Variants in ANKAR observed in about 807,000 individuals in gnomAD.
ANKAR encodes the protein ankyrin and armadillo repeat containing, also known as ankyrin and armadillo repeat-containing protein.
Under a neutral mutation model 146.2 loss-of-function variants are expected in ANKAR, and 136 were observed. The ratio of observed to expected loss-of-function variants is 0.93; its 90% confidence interval spans 0.81 to 1.07. The LOEUF (loss-of-function observed/expected upper bound fraction) is 1.07. Among genes scored for constraint, ANKAR ranks in the 50% least tolerant of loss-of-function variants. The pLI, the probability that ANKAR is intolerant of heterozygous loss-of-function variation, is 0.00. For synonymous variants in ANKAR, 500 were observed against 575.8 expected, an observed-to-expected ratio of 0.87 and a Z score of 1.88; for missense variants, 1,567 against 1,679.9, an observed-to-expected ratio of 0.93 and a Z score of 1.18.
At chr2:189,735,863 G>A (rs1246092505) in intron 17 of ANKAR, among the ~76,000 whole-genome samples, 1 of 152,000 alleles carries the variant, frequency 6.6e-6, no homozygotes, top group African/African-American at 2.4e-5. Flanking sequence ...TCAAATATGT[G>A]GGCTAATTAA....
In ANKAR at chr2:189,719,689, A is replaced by G; in HGVS notation, c.2342A>G (p.Glu781Gly). The G allele has an allele frequency of 6.2e-7, 1 of 1,614,216 alleles. No individual in the cohort carries two copies. The highest frequency in any genetic ancestry group is 1.7e-4 in the Middle Eastern group (1 of 6,060). The change falls in exon 11 of 23, where the codon GAA (glutamate) becomes GGA (glycine). Residue 781 changes from glutamate (E) to glycine (G), a missense_variant. By Grantham distance (98) the Glu-to-Gly change is moderately conservative. Transcript: ENST00000684021. The stretch of plus-strand genomic sequence containing the variant: ...AAAAGTGCAGTGCATGCTTTGGTAG[A>G]AGCGGGAGGCATTCCATCTCTAATC... The part of the protein sequence containing the change: ...THKSAVHALV[E>G]AGGIPSLINL...
At chr2:189,693,889 C>T (rs961740423) in intron 5 of ANKAR, among the ~76,000 whole-genome samples, 1 of 152,030 alleles carries the variant, frequency 6.6e-6, no homozygotes, top group Non-Finnish European at 1.5e-5. Flanking sequence ...GCTAGGATTA[C>T]AGGCATGCGC....
At chr2:189,721,403 T>C (rs962050274) in intron 12 of ANKAR, among the ~76,000 whole-genome samples, 1 of 152,212 alleles carries the variant, frequency 6.6e-6, no homozygotes, top group Non-Finnish European at 1.5e-5. Flanking sequence ...TGGATGATTT[T>C]AAAAATACAT....
intron 9 of ANKAR, among the ~76,000 whole-genome samples, chr2:189,710,311 C>T (rs1264481232): frequency 3.9e-5 from 6 of 152,062 alleles, no homozygotes; most frequent in Admixed American, 2.0e-4. Context: ...TTTTTATACT[C>T]GGGAAATGTA....
rs1288509791 is a variant in ANKAR, at chr2:189,696,180, G to T, written c.1519G>T (p.Glu507Ter). ...SIPFGMKSAV[E>*]RGLSAVFHTF... ...TCCATTTGGTATGAAGTCCGCTGTT[G>T]AAAGAGGGTTGTCTGCAGTTTTCCA... The change falls in exon 7 of 23, where the codon GAA (glutamate) becomes TAA (stop). Residue 507 changes from glutamate (E) to a stop codon, truncating the protein, a stop_gained. Coordinates refer to ENST00000684021, the MANE Select transcript of ANKAR (RefSeq NM_001378068.1). LOFTEE classifies it high-confidence loss of function. The T allele has an allele frequency of 6.2e-7, 1 of 1,613,996 alleles. No homozygotes were observed.
intron 7 of ANKAR, among the ~76,000 whole-genome samples, chr2:189,701,639 G>GT (rs1264919823): frequency 6.6e-6 from 1 of 152,118 alleles, no homozygotes; most frequent in African/African-American, 2.4e-5. Flanking sequence ...CTTTTACAGT[G>GT]TTTTTTATCT....
intron 7 of ANKAR, among the ~76,000 whole-genome samples, chr2:189,700,894 A>C (rs754826213): frequency 6.6e-6 from 1 of 152,192 alleles, no homozygotes; most frequent in African/African-American, 2.4e-5. Context: ...ATACTACTCC[A>C]TTGTGTATCC....
intron 4 of ANKAR, 179 bp downstream of exon 4, chr2:189,692,597 A>G: frequency 1.8e-6 from 1 of 546,566 alleles, no homozygotes; most frequent in East Asian, 3.4e-5. Flanking sequence ...AGATATATGT[A>G]AGGTACTGTG....
chr2:189,745,030 A>ACTACTAC (rs1380926394), intron 22 of ANKAR, among the ~76,000 whole-genome samples: 1,236 of 65,126 alleles, frequency 0.019, 25 homozygotes, highest in Admixed American at 0.047. Flanking sequence ...ACTACTACTA[A>ACTACTAC]TAATACAAAA....
At chr2:189,729,459 AT>A (rs1335883269) in intron 15 of ANKAR, among the ~76,000 whole-genome samples, 1 of 152,200 alleles carries the variant, frequency 6.6e-6, no homozygotes, top group South Asian at 2.1e-4. Context: ...TGATTCTCAC[AT>A]TTTTTTCTCT....
chr2:189,706,694 A>G (rs1056021778), intron 8 of ANKAR, among the ~76,000 whole-genome samples: 1 of 152,214 alleles, frequency 6.6e-6, no homozygotes, highest in African/African-American at 2.4e-5. Context: ...TTTGTGCGTT[A>G]TCATCCTCCA....
intron 12 of ANKAR, among the ~76,000 whole-genome samples, chr2:189,726,967 T>A (rs938641130): frequency 4.6e-5 from 7 of 152,138 alleles, no homozygotes; most frequent in Non-Finnish European, 8.8e-5. Context: ...TTCTTACAAC[T>A]TTTCTATAAG....
intron 3 of ANKAR, 105 bp downstream of exon 3, chr2:189,690,069 A>G (rs2036162517): frequency 1.4e-6 from 1 of 712,504 alleles, no homozygotes; most frequent in East Asian, 3.2e-5. Flanking sequence ...TAACCTAGCT[A>G]TAACCTGTTA....
At chr2:189,761,562 T>G (rs116007546), downstream of ANKAR, 1,473 of 1,610,434 alleles carry the variant, frequency 9.1e-4, 13 homozygotes, top group African/African-American at 0.018. Flanking sequence ...GGATGAAAAT[T>G]AAAACTTCTT....
chr2:189,691,119 G>C lies in ANKAR; in HGVS notation c.1040-1136G>C, dbSNP rs185473807. 1.8e-3 allele frequency among the ~76,000 whole-genome samples: 267 copies of C among 152,246 alleles called. 1 individual carries two copies. The highest frequency in any genetic ancestry group is 6.1e-3 in the African/African-American group (255 of 41,536). ...CACACAGGCTGGAGTGCAGTGGCAC[G>C]ATCTCGACTCACTGCAACCTCCACC... On this transcript the variant is annotated intron_variant, in intron 3 of 22. Transcript: ENST00000684021.
intron 6 of ANKAR, among the ~76,000 whole-genome samples, chr2:189,695,565 T>C (rs1386073539): frequency 2.0e-5 from 3 of 152,218 alleles, no homozygotes; most frequent in African/African-American, 7.2e-5. Context: ...TCCTGGGAAC[T>C]AAAACCTAAA....
At chr2:189,698,386 T>TA (rs78380602) in intron 7 of ANKAR, among the ~76,000 whole-genome samples, 141 of 145,296 alleles carry the variant, frequency 9.7e-4, no homozygotes, top group Non-Finnish European at 1.0e-3. Context: ...TTCTACAACT[T>TA]AAAAAAAAAA....
intron 5 of ANKAR, among the ~76,000 whole-genome samples, chr2:189,694,398 G>C (rs532773251): frequency 6.6e-6 from 1 of 152,088 alleles, no homozygotes; most frequent in Non-Finnish European, 1.5e-5. Context: ...GAGGAAGGTC[G>C]CCGTTTTCCC....
chr2:189,677,019 G>T lies in ANKAR; in HGVS notation c.529G>T (p.Ala177Ser), dbSNP rs754833067. The T allele has an allele frequency of 6.2e-7, 1 of 1,612,106 alleles. No homozygotes were observed. The highest frequency in any genetic ancestry group is 1.7e-5 in the Admixed American group (1 of 59,686). The change falls in exon 2 of 23, where the codon GCC (alanine) becomes TCC (serine). Residue 177 changes from alanine to serine, a missense_variant. Coordinates refer to ENST00000684021, the MANE Select transcript of ANKAR (RefSeq NM_001378068.1). ...AGCTAGATTCTCTGAATTGTGGCGT[G>T]CCATCATGGACATTGATCCTGATGG... Reference protein sequence around the residue: ...KRARFSELWRAIMDIDPDGKP... With the variant: ...KRARFSELWRSIMDIDPDGKP...
Sources: allele counts gnomAD v4.1 joint callset (sites outside exome capture counted in the v4.1 genomes callset), GRCh38; gene constraint gnomAD v4.1.1; transcripts MANE v1.5; gene names NCBI Gene and HGNC (gene_info 2026-07-23, HGNC 2026-07-21).